TRIQK: variants seen among roughly 807,000 people sequenced by gnomAD.
The protein encoded by TRIQK is triple QxxK/R motif-containing protein.
TRIQK carries 10 observed loss-of-function variants against 10.8 expected under a neutral mutation model. The ratio of observed to expected loss-of-function variants is 0.92; its 90% CI spans 0.57 to 1.57. The LOEUF is 1.57. Among genes scored for constraint, TRIQK ranks in the 40% most tolerant of loss-of-function variants. The pLI, the probability that TRIQK is intolerant of heterozygous loss-of-function variation, is 0.00. For missense variants in TRIQK, 107 were observed against 97.7 expected (o/e 1.09, Z -0.40); for synonymous variants, 33 against 33.7 (o/e 0.98, Z 0.07).
At chr8:92,936,362 G>A (rs991290769) in intron 2 of TRIQK, among the ~76,000 whole-genome samples, 9 of 151,514 alleles carry the variant, frequency 5.9e-5, no homozygotes, top group Non-Finnish European at 1.3e-4. Context: ...CTGATTAAAG[G>A]AGGAAAATAC....
intron 2 of TRIQK, among the ~76,000 whole-genome samples, chr8:92,937,021 G>A (rs1023625355): frequency 2.0e-5 from 3 of 151,700 alleles, no homozygotes; most frequent in African/African-American, 7.2e-5. Flanking sequence ...TAAAGATTAT[G>A]TACCTACAAG....
rs866982638 is a variant in TRIQK, at chr8:92,979,793, A to G, written c.-180-25229T>C. 9.9e-5 allele frequency among the ~76,000 whole-genome samples: 15 copies of G among 152,090 alleles called. No individual in the cohort carries two copies. In the South Asian group the frequency reaches 2.9e-3, roughly 29 times the overall value. ...GAAAAAGCTTGCATATTCATCTTGT[A>G]TTTTCCCATTCAACTTACTTTAATT... On this transcript the variant is annotated intron_variant, in intron 1 of 4. Coordinates refer to the TRIQK transcript ENST00000520686.
At chr8:93,008,912 G>T (rs1185942338) in intron 1 of TRIQK, among the ~76,000 whole-genome samples, 1 of 152,132 alleles carries the variant, frequency 6.6e-6, no homozygotes, top group African/African-American at 2.4e-5. Context: ...TCATGACATT[G>T]GACTAGGCAA....
chr8:92,915,773 ACTGGCGT>A (rs1362797969), intron 3 of TRIQK, among the ~76,000 whole-genome samples: 1 of 81,038 alleles, frequency 1.2e-5, no homozygotes, highest in African/African-American at 4.9e-5. Context: ...TGCTGGGATT[ACTGGCGT>A]TAAGTCACCG....
intron 1 of TRIQK, among the ~76,000 whole-genome samples, chr8:92,989,482 A>G (rs1170553062): frequency 6.6e-6 from 1 of 152,100 alleles, no homozygotes; most frequent in African/African-American, 2.4e-5. Flanking sequence ...TTAGATTTTC[A>G]TAGGAGCTCG....
rs370659773 is a variant in TRIQK, at chr8:92,896,846, C to T, written c.62-4772G>A. ...TTTTTTTTTTTTTTAGATGTTGTTT[C>T]ACTCCTGTCTCCCAGGCTGGAGTGC... On this transcript the variant is annotated intron_variant, in intron 3 of 4. Coordinates refer to ENST00000521988, the MANE Select transcript of TRIQK (RefSeq NM_001171797.2). Among the ~76,000 whole-genome samples the T allele has an allele frequency of 3.6e-4, 53 of 148,204 alleles. No homozygotes were observed. In the East Asian group the frequency reaches 1.0e-2, roughly 28 times the overall value.
rs891072625 is a variant in TRIQK, at chr8:92,892,156, T to C, written c.62-82A>G. 1.6e-5 allele frequency: 16 copies of C among 1,006,832 alleles called. No homozygotes were observed. The African/African-American group carries it at 2.7e-4, about 17-fold the overall frequency. The allele number at this position is 1,006,832 out of a possible 1,614,324, so 62.4% of individuals were successfully genotyped here. A position where few individuals can be genotyped will look rare whatever the true frequency, so the allele number is the denominator to read the frequency against. On this transcript the variant is annotated intron_variant, in intron 3 of 4. Transcript: ENST00000521988. ...ATCATTTGAAATGTCAAAGAATGTT[T>C]AAATACAGTGAAACAGGGACACGGA... is the stretch of plus-strand genomic sequence containing the variant.
chr8:92,935,989 T>G (rs1047054764), intron 2 of TRIQK, among the ~76,000 whole-genome samples: 1 of 151,612 alleles, frequency 6.6e-6, no homozygotes, highest in South Asian at 2.1e-4. Flanking sequence ...ACAGGTAAGA[T>G]TAAATGGTCA....
At chr8:92,982,316 A>G (rs1420341080) in intron 1 of TRIQK, among the ~76,000 whole-genome samples, 2 of 151,998 alleles carry the variant, frequency 1.3e-5, no homozygotes, top group Non-Finnish European at 2.9e-5. Context: ...CTGGCCTATC[A>G]TTAATTTTAG....
intron 1 of TRIQK, among the ~76,000 whole-genome samples, chr8:92,995,225 C>G (rs1031579965): frequency 1.3e-5 from 2 of 152,034 alleles, no homozygotes; most frequent in African/African-American, 4.8e-5. Flanking sequence ...CTCTTATTAT[C>G]TTAATGCCTG....
At chr8:92,904,638 G>A (rs1246917096) in intron 3 of TRIQK, among the ~76,000 whole-genome samples, 2 of 152,058 alleles carry the variant, frequency 1.3e-5, no homozygotes, top group Non-Finnish European at 2.9e-5. Context: ...TGTCCTTACT[G>A]GAAAGGACAG....
intron 2 of TRIQK, among the ~76,000 whole-genome samples, chr8:92,942,187 TATCATTAATTCTG>T (rs1811302704): frequency 6.6e-6 from 1 of 152,136 alleles, no homozygotes; most frequent in Non-Finnish European, 1.5e-5. Context: ...GAAGAGCCCA[TATCATTAATTCTG>T]ATCAAGTGAG....
intron 1 of TRIQK, among the ~76,000 whole-genome samples, chr8:92,996,713 G>T (rs1813156243): frequency 6.6e-6 from 1 of 151,940 alleles, no homozygotes; most frequent in African/African-American, 2.4e-5. Context: ...ATTCTAGGGA[G>T]CTTCTACTGT....
chr8:92,954,921 T>C (rs1192431463), intron 1 of TRIQK, among the ~76,000 whole-genome samples: 1 of 151,936 alleles, frequency 6.6e-6, no homozygotes, highest in East Asian at 1.9e-4. Context: ...AAAATACTGA[T>C]ATAAAATTAT....
intron 1 of TRIQK, among the ~76,000 whole-genome samples, chr8:92,976,058 T>C (rs895048705): frequency 6.6e-6 from 1 of 151,954 alleles, no homozygotes; most frequent in Non-Finnish European, 1.5e-5. Context: ...TTAAGATGTA[T>C]AGAAACTTAT....
At chr8:92,970,073 C>G (rs148325828), upstream of TRIQK, among the ~76,000 whole-genome samples, 1 of 151,868 alleles carries the variant, frequency 6.6e-6, no homozygotes. Context: ...ATTAGTTTGC[C>G]GAGGGTAATG....
chr8:92,920,704 G>A (rs1446062891), intron 2 of TRIQK, among the ~76,000 whole-genome samples: 1 of 151,714 alleles, frequency 6.6e-6, no homozygotes, highest in Non-Finnish European at 1.5e-5. Context: ...GTCTAGGAAA[G>A]AAATTGCACT....
chr8:92,886,574 G>C lies in TRIQK; in HGVS notation c.*48C>G, dbSNP rs1816488750. On this transcript the variant is annotated 3_prime_UTR_variant, in exon 5 of 5. Coordinates refer to ENST00000521988, the MANE Select transcript of TRIQK (RefSeq NM_001171797.2). ...AGTATTGAAAGTTTTGGTCCCAAAA[G>C]GTGCTTTCGTAAAGTTATTTCTCTT... 1 of 1,207,084 alleles carries C rather than the reference G, an allele frequency of 8.3e-7. No homozygotes were observed. Among genetic ancestry groups the C allele is most frequent in the Non-Finnish European group, 1.1e-6 (1 of 876,904 alleles). The allele number at this position is 1,207,084 out of a possible 1,614,324, so 74.8% of individuals were successfully genotyped here.
intron 1 of TRIQK, chr8:92,964,753 T>C (rs1812648440): frequency 6.6e-6 from 1 of 152,204 alleles, no homozygotes; most frequent in Non-Finnish European, 1.5e-5. Context: ...ATCATTACTT[T>C]AATGATACTT....
Sources: allele counts gnomAD v4.1 joint callset (sites outside exome capture counted in the v4.1 genomes callset), GRCh38; gene constraint gnomAD v4.1.1; transcripts MANE v1.5; gene names NCBI Gene and HGNC (gene_info 2026-07-23, HGNC 2026-07-21).